DYNC1I1: variants seen among roughly 807,000 people sequenced by gnomAD.
DYNC1I1 encodes dynein cytoplasmic 1 intermediate chain 1.
In DYNC1I1, 43 loss-of-function variants were observed where a neutral mutation model predicts 86.6. That is an observed-to-expected ratio of 0.50 (90% CI 0.39 to 0.64). The LOEUF (loss-of-function observed/expected upper bound fraction) is 0.64. Ranked by LOEUF, DYNC1I1 falls within the 30% of genes least tolerant of loss-of-function variation. The pLI is 0.00. For synonymous variants in DYNC1I1, 262 were observed against 283.7 expected (o/e 0.92, Z 0.77); for missense variants, 604 against 788.8 (o/e 0.77, Z 2.81).
intron 1 of DYNC1I1, chr7:95,802,565 C>T (rs1251218299): frequency 6.6e-6 from 1 of 152,232 alleles, no homozygotes; most frequent in African/African-American, 2.4e-5. Flanking sequence ...GATTTCCCAT[C>T]ACCCATTACA....
chr7:96,005,055 T>C (rs1027720903), intron 10 of DYNC1I1, among the ~76,000 whole-genome samples: 1 of 152,180 alleles, frequency 6.6e-6, no homozygotes, highest in Non-Finnish European at 1.5e-5. Flanking sequence ...GATTAAAATA[T>C]AAGAGTATGA....
intron 1 of DYNC1I1, among the ~76,000 whole-genome samples, chr7:95,782,936 C>T (rs370045066): frequency 4.0e-4 from 61 of 152,304 alleles, no homozygotes; most frequent in African/African-American, 1.3e-3. Flanking sequence ...CTATCCTTCT[C>T]TGGTGCTCCT....
chr7:95,778,287 T>C (rs1793897282), intron 1 of DYNC1I1, among the ~76,000 whole-genome samples: 2 of 152,238 alleles, frequency 1.3e-5, no homozygotes, highest in African/African-American at 4.8e-5. Flanking sequence ...TAGGAAAACA[T>C]ACAGGCAAAA....
intron 4 of DYNC1I1, among the ~76,000 whole-genome samples, chr7:95,819,205 A>G (rs1795018595): frequency 6.6e-6 from 1 of 152,146 alleles, no homozygotes; most frequent in African/African-American, 2.4e-5. Flanking sequence ...AGATTTCTTC[A>G]ATGTTCTCTC....
intron 10 of DYNC1I1, among the ~76,000 whole-genome samples, chr7:96,015,796 G>A (rs1794387426): frequency 6.6e-6 from 1 of 152,136 alleles, no homozygotes; most frequent in Non-Finnish European, 1.5e-5. Flanking sequence ...CGACAATGGT[G>A]TAGAAATTGA....
intron 6 of DYNC1I1, among the ~76,000 whole-genome samples, chr7:95,934,729 C>A (rs919493289): frequency 6.6e-6 from 1 of 151,970 alleles, no homozygotes; most frequent in East Asian, 1.9e-4. Context: ...AAAATCCCTG[C>A]CTGACTTCTC....
At chr7:95,989,669 G>C (rs1351340320) in intron 9 of DYNC1I1, among the ~76,000 whole-genome samples, 1 of 152,208 alleles carries the variant, frequency 6.6e-6, no homozygotes, top group Non-Finnish European at 1.5e-5. Context: ...GGTCTCGCAT[G>C]ATGTTTGTGT....
At chr7:95,804,290 C>T (rs962464565) in intron 1 of DYNC1I1, 15 of 1,072,548 alleles carry the variant, frequency 1.4e-5, no homozygotes, top group Non-Finnish European at 1.7e-5. Flanking sequence ...GGGCATATCT[C>T]TAGGGGTTTA....
intron 1 of DYNC1I1, among the ~76,000 whole-genome samples, chr7:95,795,684 G>T (rs1794417993): frequency 1.3e-5 from 2 of 152,044 alleles, no homozygotes; most frequent in Non-Finnish European, 1.5e-5. Flanking sequence ...GGAGCTAAAT[G>T]ATGAGAAGGC....
chr7:95,846,558 A>G lies in DYNC1I1; in HGVS notation c.374+18442A>G, dbSNP rs373461151. Among the ~76,000 whole-genome samples the G allele has an allele frequency of 4.3e-4, 65 of 152,132 alleles. No individual in the cohort carries two copies. In the East Asian group the frequency reaches 6.0e-3, roughly 14 times the overall value. On this transcript the variant is annotated intron_variant, in intron 5 of 16. Transcript: ENST00000447467. ...TTCTTGAAGTAGTCAGAAAAAGTCA[A>G]CCATCAAGCTGTTTCCCAGTACTTG... is the stretch of plus-strand genomic sequence containing the variant.
chr7:96,073,391 C>T (rs1476687069), intron 14 of DYNC1I1, among the ~76,000 whole-genome samples: 1 of 152,218 alleles, frequency 6.6e-6, no homozygotes, highest in Admixed American at 6.5e-5. Context: ...CCAGAATATA[C>T]TACAGTTTTG....
At chr7:95,986,944 C>A in intron 8 of DYNC1I1, 112 bp from the exon 9 acceptor site, 1 of 851,708 alleles carries the variant, frequency 1.2e-6, no homozygotes, top group South Asian at 1.5e-5. Context: ...TCTAGATTAA[C>A]ATTTTGGCCT....
At chr7:95,828,842 G>A (rs568453393) in intron 5 of DYNC1I1, among the ~76,000 whole-genome samples, 8 of 152,262 alleles carry the variant, frequency 5.3e-5, no homozygotes, top group African/African-American at 1.9e-4. Context: ...TAGTCACACA[G>A]GAGATATTAC....
intron 7 of DYNC1I1, among the ~76,000 whole-genome samples, chr7:95,983,968 G>A (rs952367925): frequency 2.6e-5 from 4 of 152,046 alleles, no homozygotes; most frequent in Non-Finnish European, 5.9e-5. Flanking sequence ...ATGGTTTTTT[G>A]GTCTGGGGAG....
intron 14 of DYNC1I1, among the ~76,000 whole-genome samples, chr7:96,049,444 A>G (rs1347862116): frequency 6.6e-6 from 1 of 152,082 alleles, no homozygotes; most frequent in Non-Finnish European, 1.5e-5. Context: ...GCGGAGACAA[A>G]GATATGAGAT....
At chr7:95,912,960 C>T (rs1791377228) in intron 6 of DYNC1I1, among the ~76,000 whole-genome samples, 1 of 152,142 alleles carries the variant, frequency 6.6e-6, no homozygotes, top group Non-Finnish European at 1.5e-5. Context: ...AAATGAGAAC[C>T]AACTTTTGCA....
chr7:95,948,662 A>G (rs73393063), intron 6 of DYNC1I1, among the ~76,000 whole-genome samples: 21,298 of 152,172 alleles, frequency 0.14, 3,597 homozygotes, highest in African/African-American at 0.4. Flanking sequence ...CTTAGTCTAC[A>G]TAAAGGATTA....
At chr7:96,018,701 G>A (rs1264034564) in intron 10 of DYNC1I1, among the ~76,000 whole-genome samples, 1 of 152,258 alleles carries the variant, frequency 6.6e-6, no homozygotes, top group Non-Finnish European at 1.5e-5. Context: ...CTGTGGGGAG[G>A]AGAAACAAGG....
At chr7:95,778,271 T>C (rs940307569) in intron 1 of DYNC1I1, among the ~76,000 whole-genome samples, 7 of 152,222 alleles carry the variant, frequency 4.6e-5, no homozygotes, top group African/African-American at 1.7e-4. Flanking sequence ...CTCCGGTAGA[T>C]AGTTTTAGGA....
Sources: gnomAD v4.1 joint callset for allele counts (sites outside exome capture counted in the v4.1 genomes callset) on GRCh38, gnomAD v4.1.1 for gene constraint, MANE v1.5 for transcripts, NCBI Gene and HGNC (gene_info 2026-07-23, HGNC 2026-07-21) for gene names.